The following ADGRG2 variants were observed in gnomAD, a reference collection of about 807,000 sequenced individuals.
ADGRG2 encodes the protein adhesion G protein-coupled receptor G2, also known as G protein-coupled receptor 64.
In ADGRG2, 26 loss-of-function variants were observed where a neutral mutation model predicts 74.1. That is an observed-to-expected ratio of 0.35 (90% confidence interval 0.26 to 0.49). The LOEUF is 0.49. Among genes scored for constraint, ADGRG2 ranks in the 20% least tolerant of loss-of-function variants. The pLI is 0.99. For missense variants in ADGRG2, 619 were observed against 763.1 expected (o/e 0.81, Z 2.22); for synonymous variants, 296 against 295.2 (o/e 1.00, Z -0.03).
At chrX:19,066,790 G>T (rs1467351412) in intron 3 of ADGRG2, among the ~76,000 whole-genome samples, 1 of 110,949 alleles carries the variant, frequency 9.0e-6, no homozygotes, top group Non-Finnish European at 1.9e-5. Context: ...TGGCAGTTGT[G>T]CCCACAGAAA....
intron 2 of ADGRG2, among the ~76,000 whole-genome samples, chrX:19,077,743 A>C (rs915093538): frequency 2.7e-5 from 3 of 112,035 alleles, no homozygotes; most frequent in Non-Finnish European, 5.6e-5. Context: ...TTATACTAAT[A>C]TCAGACAAAT....
intron 15 of ADGRG2, among the ~76,000 whole-genome samples, chrX:19,015,313 G>A (rs1050137499): frequency 1.8e-5 from 2 of 112,484 alleles, no homozygotes; most frequent in African/African-American, 3.2e-5. Flanking sequence ...AAAAAGAAAA[G>A]CCTGCTTGGT....
Position 18,999,926 on chromosome X carries a change from A to G in ADGRG2, c.2265T>C (p.Thr755=). The G allele has an allele frequency of 8.4e-7, 1 of 1,188,023 alleles. No individual in the cohort carries two copies. Among genetic ancestry groups the G allele is most frequent in the Non-Finnish European group, 1.1e-6 (1 of 874,730 alleles). The change falls in exon 25 of 29, where the codon ACT becomes ACC. Residue 755 remains threonine (T), a synonymous_variant. Transcript: ENST00000379869. ...CAAGCCCATAGTTATCTGGGGATAT[A>G]GTCAGGATGATGGTCACAACCACAG... is the stretch of plus-strand genomic sequence containing the variant. The part of the protein sequence containing the change: ...VPAVVVTIIL[T]ISPDNYGLGS...
At chrX:19,088,463 T>C (rs2061966857) in intron 1 of ADGRG2, among the ~76,000 whole-genome samples, 1 of 112,442 alleles carries the variant, frequency 8.9e-6, no homozygotes, top group Non-Finnish European at 1.9e-5. Context: ...TATTTTCTTT[T>C]GATATTTTCT....
chrX:19,076,882 T>C (rs779170134), intron 2 of ADGRG2, among the ~76,000 whole-genome samples: 5 of 111,877 alleles, frequency 4.5e-5, no homozygotes, highest in African/African-American at 1.6e-4. Flanking sequence ...GGAGACAATA[T>C]ATGCATTATA....
intron 3 of ADGRG2, among the ~76,000 whole-genome samples, chrX:19,065,116 A>T (rs1602041029): frequency 9.2e-6 from 1 of 108,509 alleles, no homozygotes; most frequent in Non-Finnish European, 1.9e-5. Flanking sequence ...CAAAAAATTT[A>T]AAAAATTAGT....
intron 3 of ADGRG2, among the ~76,000 whole-genome samples, chrX:19,044,039 A>C (rs1367351648): frequency 9.0e-6 from 1 of 111,454 alleles, no homozygotes; most frequent in Non-Finnish European, 1.9e-5. Flanking sequence ...CAAACACAAA[A>C]TTGTTATCTT....
intron 26 of ADGRG2, among the ~76,000 whole-genome samples, chrX:18,998,581 T>A (rs2060062541): frequency 9.3e-6 from 1 of 107,199 alleles, no homozygotes; most frequent in Non-Finnish European, 1.9e-5. Context: ...GCATACCTCA[T>A]GGGGTTTCAC....
At chrX:19,104,868 G>T (rs759620379) in intron 1 of ADGRG2, among the ~76,000 whole-genome samples, 1 of 87,830 alleles carries the variant, frequency 1.1e-5, no homozygotes, top group South Asian at 6.7e-4. Context: ...AGTGAGCCAA[G>T]ATCACACCAC....
chrX:19,064,059 T>A (rs1328189661), intron 3 of ADGRG2, among the ~76,000 whole-genome samples: 2 of 111,843 alleles, frequency 1.8e-5, no homozygotes, highest in Non-Finnish European at 3.8e-5. Context: ...CCAACTCCCA[T>A]TACTCACTGT....
intron 28 of ADGRG2, among the ~76,000 whole-genome samples, chrX:18,991,887 C>A (rs1051500344): frequency 5.4e-5 from 6 of 112,083 alleles, no homozygotes; most frequent in Non-Finnish European, 9.4e-5. Flanking sequence ...TACTGGGACA[C>A]TTTATTATCT....
chrX:19,019,000 G>A lies in ADGRG2; in HGVS notation c.710+599C>T, dbSNP rs915794889. On this transcript the variant is annotated intron_variant, in intron 15 of 28. Coordinates refer to ENST00000379869, the MANE Select transcript of ADGRG2 (RefSeq NM_001079858.3). ...TGGGACTACAGGCGCCCGCCACCATGCCCGGCTAATTTTTTTTTGTATTTT... is the reference window on the plus strand; with the variant it reads ...TGGGACTACAGGCGCCCGCCACCATACCCGGCTAATTTTTTTTTGTATTTT... 6.8e-4 allele frequency among the ~76,000 whole-genome samples: 76 copies of A among 111,184 alleles called. 1 individual carries two copies. The highest frequency in any genetic ancestry group is 2.3e-3 in the African/African-American group (69 of 30,622).
At chrX:19,061,458 T>C (rs1044192151) in intron 3 of ADGRG2, among the ~76,000 whole-genome samples, 2 of 112,179 alleles carry the variant, frequency 1.8e-5, no homozygotes, top group African/African-American at 6.5e-5. Flanking sequence ...CAAGATATGA[T>C]GATGGCCTCC....
At position 19,108,160 on chromosome X, in the gene ADGRG2, G is replaced by A. The variant is rs147208424; in HGVS notation, c.-47+14282C>T. Among the ~76,000 whole-genome samples the A allele has an allele frequency of 4.9e-3, 509 of 104,048 alleles. 3 individuals carry two copies. Among genetic ancestry groups the A allele is most frequent in the African/African-American group, 0.017 (478 of 28,054 alleles). 90.4% of individuals were successfully genotyped at this position (104,048 alleles called of 115,157 possible). A position where few individuals can be genotyped will look rare whatever the true frequency, so the allele number is the denominator to read the frequency against. ...TAAAGTGTAAAAACAACTAATGCTA[G>A]AACTTAATAAAAAAAGTTACAGAAA... On this transcript the variant is annotated intron_variant, in intron 1 of 28. Coordinates refer to ENST00000379869, the MANE Select transcript of ADGRG2 (RefSeq NM_001079858.3).
At position 18,990,866 on chromosome X, in the gene ADGRG2, A is replaced by G; in HGVS notation, c.3052T>C (p.Ter1018ArgextTer9). Residue 1018 changes from the stop codon to arginine, a stop_lost, in exon 29 of 29, where the codon TGA (stop) becomes CGA (arginine). Transcript: ENST00000379869. ...GCTTTGATTTTAGAAGAAAGGAATC[A>G]CATTTGCTCAATAAAGTGTAAGCTT... is the stretch of plus-strand genomic sequence containing the variant. The part of the protein sequence containing the change: ...RGSLHFIEQM[*>R] 1 of 1,179,569 alleles carries G rather than the reference A, an allele frequency of 8.5e-7. No individual in the cohort carries two copies. Among genetic ancestry groups the G allele is most frequent in the Non-Finnish European group, 1.1e-6 (1 of 874,414 alleles).
intron 26 of ADGRG2, among the ~76,000 whole-genome samples, chrX:18,996,539 A>T (rs975502767): frequency 6.4e-5 from 7 of 109,658 alleles, no homozygotes; most frequent in African/African-American, 2.3e-4. Flanking sequence ...ATCCGTTTCC[A>T]AGCTCTGTCA....
At chrX:19,039,373 T>C (rs182906323) in intron 4 of ADGRG2, 19 of 318,860 alleles carry the variant, frequency 6.0e-5, no homozygotes, top group Non-Finnish European at 1.2e-4. Flanking sequence ...ATGAGAAGTA[T>C]AGCTATTGTG....
chrX:19,061,736 A>G (rs775815902), intron 3 of ADGRG2, among the ~76,000 whole-genome samples: 2 of 112,076 alleles, frequency 1.8e-5, no homozygotes, highest in Non-Finnish European at 3.8e-5. Flanking sequence ...AGTTAACCCA[A>G]TGACTTGTGA....
intron 3 of ADGRG2, among the ~76,000 whole-genome samples, chrX:19,059,701 T>C (rs921966775): frequency 9.8e-6 from 1 of 102,207 alleles, no homozygotes; most frequent in African/African-American, 3.7e-5. Flanking sequence ...TTAGTACCAG[T>C]ACTATGTAGT....
Sources: gnomAD v4.1 joint callset for allele counts (sites outside exome capture counted in the v4.1 genomes callset) on GRCh38, gnomAD v4.1.1 for gene constraint, MANE v1.5 for transcripts, NCBI Gene and HGNC (gene_info 2026-07-23, HGNC 2026-07-21) for gene names.